MCM3AP: variants seen among roughly 807,000 people sequenced by gnomAD.
MCM3AP encodes the protein minichromosome maintenance complex component 3 associated protein.
MCM3AP carries 126 observed loss-of-function variants against 184.1 expected under a neutral mutation model. The ratio of observed to expected loss-of-function variants is 0.68; its 90% confidence interval spans 0.59 to 0.79. The LOEUF is 0.79. Ranked by LOEUF, MCM3AP falls within the 30% of genes least tolerant of loss-of-function variation. MCM3AP has a pLI of 0.00. For synonymous variants in MCM3AP, 1,002 were observed against 979.3 expected, an observed-to-expected ratio of 1.02 and a Z score of -0.43; for missense variants, 2,496 against 2,479.2, an observed-to-expected ratio of 1.01 and a Z score of -0.14.
chr21:46,251,476 G>A (rs1238320737), intron 20 of MCM3AP, 53 bp downstream of exon 20: 1 of 1,448,052 alleles, frequency 6.9e-7, no homozygotes, highest in East Asian at 2.3e-5. Flanking sequence ...ATATCTGGGA[G>A]TAAGTGAAAG....
intron 26 of MCM3AP, 101 bp from the exon 27 acceptor site, chr21:46,237,080 C>A: frequency 4.1e-6 from 2 of 486,426 alleles, no homozygotes; most frequent in Non-Finnish European, 6.4e-6. Flanking sequence ...TAAGCCTTTG[C>A]TTTTTTAAAA....
At chr21:46,280,369 G>A in intron 3 of MCM3AP, 128 bp downstream of exon 3, 1 of 827,024 alleles carries the variant, frequency 1.2e-6, no homozygotes, top group Non-Finnish European at 1.9e-6. Flanking sequence ...AAACTGAAAA[G>A]AGGGCCATGC....
rs137875462 is a variant in MCM3AP at position 46,275,255 on chromosome 21, C to T, written c.1929G>A (p.Glu643=). The change falls in exon 6 of 28, where the codon GAG becomes GAA. Residue 643 remains glutamate, a synonymous_variant. Coordinates refer to ENST00000291688, the MANE Select transcript of MCM3AP (RefSeq NM_003906.5). ...FVGTCLDMCP[E]KERYMRETRS... is the part of the protein sequence containing the mutation. ...GGGTCTCCCGCATGTACCTCTCCTT[C>T]TCAGGACACATATCCAGGCAGGTGC... 1.7e-4 allele frequency: 272 copies of T among 1,614,186 alleles called. 1 individual carries two copies. The African/African-American group carries it at 3.2e-3, about 19-fold the overall frequency.
At chr21:46,274,938 C>CAAAA (rs35282554) in intron 6 of MCM3AP, among the ~76,000 whole-genome samples, 13 of 96,906 alleles carry the variant, frequency 1.3e-4, no homozygotes, top group Non-Finnish European at 1.8e-4. Flanking sequence ...GACCCTGTCT[C>CAAAA]AAAAAAAAAA....
At chr21:46,266,296 G>A in intron 10 of MCM3AP, 130 bp from the exon 11 acceptor site, 2 of 1,055,156 alleles carry the variant, frequency 1.9e-6, no homozygotes, top group Non-Finnish European at 2.6e-6. Context: ...AGAAAGCACA[G>A]GCGCCAGGTC....
rs543772160 is a variant in MCM3AP, at chr21:46,251,722, G to T, written c.4137-40C>A. 2.2e-4 allele frequency: 284 copies of T among 1,270,450 alleles called. 3 individuals are homozygous for T. The South Asian group carries it at 3.2e-3, about 15-fold the overall frequency. The allele number at this position is 1,270,450 out of a possible 1,614,324, so 78.7% of individuals were successfully genotyped here. On this transcript the variant is annotated intron_variant, in intron 19 of 27. Coordinates refer to ENST00000291688, the MANE Select transcript of MCM3AP (RefSeq NM_003906.5). ...AAAACAAAAAACAAAAAAAACACTT[G>T]AAGAATCTAATTCTATATTTGAATT...
intron 15 of MCM3AP, 104 bp from the exon 16 acceptor site, chr21:46,259,195 C>T: frequency 8.8e-7 from 1 of 1,135,478 alleles, no homozygotes; most frequent in Non-Finnish European, 1.3e-6. Flanking sequence ...GTGGCTCACG[C>T]CTGTAATCCC....
intron 4 of MCM3AP, among the ~76,000 whole-genome samples, chr21:46,278,488 C>T (rs893277549): frequency 6.6e-6 from 1 of 152,116 alleles, no homozygotes; most frequent in African/African-American, 2.4e-5. Context: ...TGGATTCAGC[C>T]GGAGATCTGT....
intron 23 of MCM3AP, 143 bp downstream of exon 23, chr21:46,244,664 C>T (rs1034169010): frequency 1.8e-5 from 16 of 895,386 alleles, no homozygotes; most frequent in Middle Eastern, 3.5e-4. Context: ...AAGGTGCAGG[C>T]GAGCACAGCA....
rs190933622 is a variant in MCM3AP at position 46,245,026 on chromosome 21, C to T, written c.4819G>A (p.Ala1607Thr). Residue 1607 changes from alanine (A) to threonine (T), a missense_variant, in exon 23 of 28, where the codon GCC becomes ACC. Ala to Thr is a moderately conservative substitution (Grantham distance 58, BLOSUM62 0). Coordinates refer to ENST00000291688, the MANE Select transcript of MCM3AP (RefSeq NM_003906.5). Reference protein sequence around the residue: ...LGGLASQEPGAIIELFNSVLQ... With the variant: ...LGGLASQEPGTIIELFNSVLQ... ...ACACTGTTAAACAGCTCAATGATGG[C>T]GCCAGGCTCCTGAGAAGCAAGACCG... 6.8e-6 allele frequency: 11 copies of T among 1,614,200 alleles called. No homozygotes were observed. Among genetic ancestry groups the T allele is most frequent in the African/African-American group, 4.0e-5 (3 of 75,056 alleles).
In MCM3AP at chr21:46,284,455, C is replaced by G. The variant is rs562887328; in HGVS notation, c.832G>C (p.Val278Leu). 1.2e-6 allele frequency: 2 copies of G among 1,614,154 alleles called. No individual in the cohort carries two copies. Among genetic ancestry groups the G allele is most frequent in the South Asian group, 1.1e-5 (1 of 91,088 alleles). The change falls in exon 1 of 28, where the codon GTT (valine) becomes CTT (leucine). Residue 278 changes from valine (V) to leucine (L), a missense_variant. Coordinates refer to ENST00000291688, the MANE Select transcript of MCM3AP (RefSeq NM_003906.5). ...AGVRQGCEEAVSQVEPLPSLM... is the reference protein window; with the variant it reads ...AGVRQGCEEALSQVEPLPSLM... ...CTGGGAAGTGGTTCCACCTGGGAAA[C>G]AGCTTCTTCACACCCCTGCCTGACA...
chr21:46,265,622 A>G, intron 11 of MCM3AP, 99 bp from the exon 12 acceptor site: 1 of 992,648 alleles, frequency 1.0e-6, no homozygotes, highest in Non-Finnish European at 1.5e-6. Flanking sequence ...GGCCACCCAC[A>G]GTGACCCTGA....
At chr21:46,257,810 A>C (rs918221734) in intron 16 of MCM3AP, among the ~76,000 whole-genome samples, 3 of 151,950 alleles carry the variant, frequency 2.0e-5, no homozygotes, top group African/African-American at 7.3e-5. Context: ...CTGTAGTCCC[A>C]GCTACTCAGG....
At chr21:46,252,940 C>T (rs2080895632) in intron 19 of MCM3AP, 1 of 152,006 alleles carries the variant, frequency 6.6e-6, no homozygotes, top group African/African-American at 2.4e-5. Flanking sequence ...CCCAGGAGTT[C>T]AAGACCAGCT....
Position 46,244,799 on chromosome 21 carries a change from G to A in MCM3AP, c.5038+8C>T. ...CACCCACCAGACCTCCCCAGGTCAA[G>A]CACGTACCCCCCAGGGGTGGAAGGT... is the stretch of plus-strand genomic sequence containing the variant. On this transcript the variant is annotated splice_region_variant and intron_variant, in intron 23 of 27. Transcript: ENST00000291688. 6.2e-7 allele frequency: 1 copy of A among 1,603,916 alleles called. No individual in the cohort carries two copies. The highest frequency in any genetic ancestry group is 8.5e-7 in the Non-Finnish European group (1 of 1,174,380).
intron 10 of MCM3AP, chr21:46,266,539 CCGGGTGTTG>C: frequency 8.8e-6 from 2 of 227,526 alleles, no homozygotes; most frequent in Admixed American, 1.1e-4. Flanking sequence ...GAACTAGGCA[CCGGGTGTTG>C]AGTGTAAGCT....
rs138591880 is a variant in MCM3AP at position 46,284,339 on chromosome 21, G to A, written c.948C>T (p.Ser316=). The change falls in exon 1 of 28, where the codon TCC becomes TCT. Residue 316 remains serine, a synonymous_variant. Transcript: ENST00000291688. ...HEPAEDSDPL[S]RGDHPPDKRP... is the part of the protein sequence containing the mutation. Reference sequence around the variant, plus strand: ...GTTTGTCTGGAGGATGATCGCCCCGGGACAGAGGATCCGAATCTTCTGCTG... The same window carrying A: ...GTTTGTCTGGAGGATGATCGCCCCGAGACAGAGGATCCGAATCTTCTGCTG... The A allele has an allele frequency of 2.5e-6, 4 of 1,614,036 alleles. No homozygotes were observed. The highest frequency in any genetic ancestry group is 1.7e-5 in the Admixed American group (1 of 59,990).
chr21:46,266,541 G>A (rs572279906), intron 10 of MCM3AP: 95 of 227,790 alleles, frequency 4.2e-4, no homozygotes, highest in Admixed American at 1.2e-3. Context: ...ACTAGGCACC[G>A]GGTGTTGAGT....
Position 46,284,960 on chromosome 21 carries a change from T to C in MCM3AP, c.327A>G (p.Gly109=). Residue 109 remains glycine (G), a synonymous_variant, in exon 1 of 28, where the codon GGA becomes GGG. Coordinates refer to ENST00000291688, the MANE Select transcript of MCM3AP (RefSeq NM_003906.5). The part of the protein sequence containing the change: ...PSSSSVLGNT[G]FSFKSPTSVG... ...CACTGGTGGGTGATTTAAAACTAAA[T>C]CCTGTGTTTCCCAGCACAGATGAAC... is the stretch of plus-strand genomic sequence containing the variant. 2 of 1,614,086 alleles carry C rather than the reference T, an allele frequency of 1.2e-6. No homozygotes were observed. Among genetic ancestry groups the C allele is most frequent in the South Asian group, 2.2e-5 (2 of 91,084 alleles).
Sources: gnomAD v4.1 joint callset for allele counts (sites outside exome capture counted in the v4.1 genomes callset) on GRCh38, gnomAD v4.1.1 for gene constraint, MANE v1.5 for transcripts, NCBI Gene and HGNC (gene_info 2026-07-23, HGNC 2026-07-21) for gene names.